Variants in NTNG1 observed in about 807,000 individuals in gnomAD.
The protein encoded by NTNG1 is netrin-G1.
In NTNG1, 16 loss-of-function variants were observed where a neutral mutation model predicts 54.0. The observed-to-expected ratio is 0.30, with a 90% confidence interval of 0.20 to 0.45. The LOEUF (loss-of-function observed/expected upper bound fraction) is 0.45. Among genes scored for constraint, NTNG1 ranks in the 20% least tolerant of loss-of-function variants. NTNG1 has a pLI of 1.00. For missense variants in NTNG1, 530 were observed against 678.7 expected, an observed-to-expected ratio of 0.78 and a Z score of 2.43; for synonymous variants, 255 against 263.1, an observed-to-expected ratio of 0.97 and a Z score of 0.30.
At chr1:107,387,883 C>T (rs1282982238) in intron 3 of NTNG1, among the ~76,000 whole-genome samples, 1 of 152,194 alleles carries the variant, frequency 6.6e-6, no homozygotes, top group Non-Finnish European at 1.5e-5. Context: ...CTTTTTTCCA[C>T]TTGCCTTCCG....
At chr1:107,278,828 CA>C (rs1345223399) in intron 2 of NTNG1, among the ~76,000 whole-genome samples, 3 of 152,146 alleles carry the variant, frequency 2.0e-5, no homozygotes, top group African/African-American at 7.2e-5. Flanking sequence ...GTTCCATCAA[CA>C]TCAGTGAGCA....
At chr1:107,185,853 C>T (rs1405830551) in intron 2 of NTNG1, among the ~76,000 whole-genome samples, 1 of 109,840 alleles carries the variant, frequency 9.1e-6, no homozygotes, top group Non-Finnish European at 1.8e-5. Flanking sequence ...CTTATCCAGT[C>T]TGCGACCAAC....
chr1:107,245,670 T>C (rs976565391), intron 2 of NTNG1, among the ~76,000 whole-genome samples: 34 of 152,252 alleles, frequency 2.2e-4, no homozygotes, highest in African/African-American at 8.0e-4. Context: ...AATACTTTCA[T>C]TGCAGTTGTT....
intron 2 of NTNG1, among the ~76,000 whole-genome samples, chr1:107,204,040 A>AT (rs910963706): frequency 2.6e-5 from 4 of 151,312 alleles, no homozygotes; most frequent in Admixed American, 6.6e-5. Flanking sequence ...ATATGGTTCT[A>AT]TTTTTTTTCC....
chr1:107,213,337 G>A (rs1004987332), intron 2 of NTNG1, among the ~76,000 whole-genome samples: 2 of 152,018 alleles, frequency 1.3e-5, no homozygotes, highest in African/African-American at 2.4e-5. Context: ...CGTGTTAAAG[G>A]ACATATTATT....
At chr1:107,306,880 A>G (rs1666727065) in intron 2 of NTNG1, among the ~76,000 whole-genome samples, 2 of 152,206 alleles carry the variant, frequency 1.3e-5, no homozygotes. Context: ...GGAGTGAGAC[A>G]TAGTCTTCAT....
intron 7 of NTNG1, among the ~76,000 whole-genome samples, chr1:107,444,826 A>C (rs1269940222): frequency 6.6e-6 from 1 of 152,098 alleles, no homozygotes; most frequent in African/African-American, 2.4e-5. Context: ...ATCCTACCTG[A>C]TAATAAGATG....
At chr1:107,404,679 A>G (rs972416532) in intron 4 of NTNG1, among the ~76,000 whole-genome samples, 2 of 152,166 alleles carry the variant, frequency 1.3e-5, no homozygotes, top group Non-Finnish European at 2.9e-5. Context: ...GTGCCCTCAG[A>G]TCTGTCAGGC....
intron 2 of NTNG1, among the ~76,000 whole-genome samples, chr1:107,265,990 A>G (rs1369704993): frequency 6.6e-6 from 1 of 152,204 alleles, no homozygotes; most frequent in Non-Finnish European, 1.5e-5. Context: ...AAAAAAAGTC[A>G]TCTTTTCAAT....
intron 2 of NTNG1, among the ~76,000 whole-genome samples, chr1:107,314,037 C>A (rs1025632583): frequency 3.9e-5 from 6 of 152,224 alleles, no homozygotes; most frequent in Admixed American, 3.9e-4. Flanking sequence ...AAAAATTATT[C>A]TTTAGTAAAG....
intron 2 of NTNG1, among the ~76,000 whole-genome samples, chr1:107,232,662 G>T (rs1421805822): frequency 3.9e-5 from 6 of 152,192 alleles, no homozygotes; most frequent in African/African-American, 1.4e-4. Flanking sequence ...TAAGAGAAGT[G>T]ATGAGCCAAA....
At chr1:107,307,543 G>A (rs1237198484) in intron 2 of NTNG1, among the ~76,000 whole-genome samples, 1 of 152,194 alleles carries the variant, frequency 6.6e-6, no homozygotes, top group African/African-American at 2.4e-5. Context: ...ATGAGAAACT[G>A]AGACACAAAG....
chr1:107,194,433 A>AT (rs34978364), intron 2 of NTNG1, among the ~76,000 whole-genome samples: 1 of 151,752 alleles, frequency 6.6e-6, no homozygotes, highest in Non-Finnish European at 1.5e-5. Context: ...TTCTCCTAAA[A>AT]TTTTTTCCAG....
intron 2 of NTNG1, among the ~76,000 whole-genome samples, chr1:107,266,611 A>G (rs1663751837): frequency 6.6e-6 from 1 of 151,014 alleles, no homozygotes; most frequent in South Asian, 2.1e-4. Flanking sequence ...AACCTTAGCA[A>G]CATTGTTTTT....
In NTNG1 at chr1:107,275,574, A is replaced by G. The variant is rs1201803149; in HGVS notation, c.247-48708A>G. On this transcript the variant is annotated intron_variant, in intron 2 of 7. Transcript: ENST00000370068. Reference sequence around the variant, plus strand: ...CTGATGGTGTAGTTCCAGTCCAAAGACCAGCAGGCTCAAGATCCAAGAAAC... The same window carrying G: ...CTGATGGTGTAGTTCCAGTCCAAAGGCCAGCAGGCTCAAGATCCAAGAAAC... 1.1e-4 allele frequency among the ~76,000 whole-genome samples: 17 copies of G among 151,970 alleles called. 1 individual carries two copies. The South Asian group carries it at 3.5e-3, about 32-fold the overall frequency.
chr1:107,345,120 T>C (rs1213626543), intron 3 of NTNG1, among the ~76,000 whole-genome samples: 1 of 152,196 alleles, frequency 6.6e-6, no homozygotes, highest in Admixed American at 6.5e-5. Context: ...CGTCGTCTTG[T>C]AGGTCTGACC....
chr1:107,470,437 A>G (rs1677908914), intron 7 of NTNG1, among the ~76,000 whole-genome samples: 1 of 152,242 alleles, frequency 6.6e-6, no homozygotes. Context: ...AGCTATAAAT[A>G]AACACTGTTC....
chr1:107,199,067 C>T (rs373307762), intron 2 of NTNG1, among the ~76,000 whole-genome samples: 1 of 151,792 alleles, frequency 6.6e-6, no homozygotes, highest in African/African-American at 2.4e-5. Context: ...TTATTTCTCA[C>T]TTTGAAAAGT....
intron 6 of NTNG1, among the ~76,000 whole-genome samples, chr1:107,431,988 TGTTGA>T (rs1419491235): frequency 6.6e-6 from 1 of 152,220 alleles, no homozygotes; most frequent in African/African-American, 2.4e-5. Context: ...AAAAAAAAGC[TGTTGA>T]GTTGTTTTTA....
Sources: gnomAD v4.1 joint callset for allele counts (sites outside exome capture counted in the v4.1 genomes callset) on GRCh38, gnomAD v4.1.1 for gene constraint, MANE v1.5 for transcripts, NCBI Gene and HGNC (gene_info 2026-07-23, HGNC 2026-07-21) for gene names.